The following TBCD variants were observed in gnomAD, a reference collection of about 807,000 sequenced individuals.
TBCD encodes the protein tubulin folding cofactor D, also known as tubulin-specific chaperone D.
Under a neutral mutation model 169.3 loss-of-function variants are expected in TBCD, and 105 were observed. The observed-to-expected ratio is 0.62, with a 90% CI of 0.53 to 0.73. The LOEUF is 0.73. Ranked by LOEUF, TBCD falls within the 30% of genes least tolerant of loss-of-function variation. The pLI is 0.00. For missense variants in TBCD, 1,444 were observed against 1,600.1 expected, an observed-to-expected ratio of 0.90 and a Z score of 1.66; for synonymous variants, 700 against 643.9, an observed-to-expected ratio of 1.09 and a Z score of -1.32.
At chr17:82,907,716 G>T in intron 20 of TBCD, 45 bp from the exon 21 acceptor site, 2 of 1,609,336 alleles carry the variant, frequency 1.2e-6, no homozygotes, top group Middle Eastern at 1.7e-4. Context: ...TCGGGGTTAG[G>T]GTCTTGGGGA....
intron 13 of TBCD, chr17:82,860,466 A>G (rs573681949): frequency 2.0e-6 from 2 of 984,118 alleles, no homozygotes; most frequent in Non-Finnish European, 2.4e-6. Flanking sequence ...TTCATTAACA[A>G]TGACAGTGGC....
At chr17:82,797,678 A>C in intron 7 of TBCD, 79 bp from the exon 8 acceptor site, 2 of 1,098,536 alleles carry the variant, frequency 1.8e-6, no homozygotes, top group Non-Finnish European at 2.6e-6. Context: ...GATGTGATGA[A>C]TTGTTTTCAC....
intron 28 of TBCD, among the ~76,000 whole-genome samples, 158 bp downstream of exon 28, chr17:82,926,649 C>T (rs2147253812): frequency 6.6e-6 from 1 of 152,360 alleles, no homozygotes; most frequent in East Asian, 1.9e-4. Flanking sequence ...GCTGGAGGCT[C>T]TTTCATTCTC....
At chr17:82,865,577 A>G (rs2057114475) in intron 13 of TBCD, 2 of 983,950 alleles carry the variant, frequency 2.0e-6, no homozygotes, top group Admixed American at 6.1e-5. Context: ...CTCACCGCCC[A>G]GTGCCGAAAT....
intron 13 of TBCD, among the ~76,000 whole-genome samples, chr17:82,866,408 T>C (rs1295547417): frequency 6.6e-6 from 1 of 152,376 alleles, no homozygotes; most frequent in African/African-American, 2.4e-5. Flanking sequence ...CAAGCTGTTT[T>C]ACTTTGTGCA....
chr17:82,845,657 G>T (rs1394442388), intron 13 of TBCD, among the ~76,000 whole-genome samples: 1 of 151,508 alleles, frequency 6.6e-6, no homozygotes, highest in South Asian at 2.1e-4. Context: ...GCCCACCCCG[G>T]TCCCTTCCGC....
intron 23 of TBCD, among the ~76,000 whole-genome samples, chr17:82,917,186 A>ATT (rs1209961680): frequency 6.6e-6 from 1 of 151,544 alleles, no homozygotes; most frequent in East Asian, 1.9e-4. Flanking sequence ...CACCCAGCTA[A>ATT]TTTTTGTATT....
At chr17:82,888,614 G>T (rs2058916992) in intron 15 of TBCD, among the ~76,000 whole-genome samples, 1 of 152,190 alleles carries the variant, frequency 6.6e-6, no homozygotes, top group African/African-American at 2.4e-5. Context: ...CCAGCCCAGG[G>T]GTCTGCCTTG....
rs528670805 is a variant in TBCD at position 82,832,502 on chromosome 17, T to C, written c.1318+17568T>C. Reference sequence around the variant, plus strand: ...CTGGCTGTCCAGGTGGCGTGATCACTGTCGACGCCGCGTGCACTTCGTGGT... The same window carrying C: ...CTGGCTGTCCAGGTGGCGTGATCACCGTCGACGCCGCGTGCACTTCGTGGT... On this transcript the variant is annotated intron_variant, in intron 13 of 38. Coordinates refer to ENST00000355528, the MANE Select transcript of TBCD (RefSeq NM_005993.5). This position sits in a 1 kb window ranked among gnomAD's most constrained non-coding sequence, Gnocchi z 4.9. 4.5e-6 allele frequency: 7 copies of C among 1,543,552 alleles called. No homozygotes were observed. Among genetic ancestry groups the C allele is most frequent in the Non-Finnish European group, 6.2e-6 (7 of 1,127,542 alleles).
chr17:82,883,114 G>A (rs1054483401), intron 14 of TBCD, among the ~76,000 whole-genome samples: 5 of 152,364 alleles, frequency 3.3e-5, no homozygotes, highest in African/African-American at 7.2e-5. Context: ...ATTGTCCCCC[G>A]TGCATGTCCC....
intron 7 of TBCD, among the ~76,000 whole-genome samples, chr17:82,790,008 T>C (rs2049589199): frequency 1.3e-5 from 2 of 148,440 alleles, no homozygotes; most frequent in Non-Finnish European, 2.9e-5. Context: ...GACGTGGCTC[T>C]GACATGTCTC....
rs1237516177 is a variant in TBCD at position 82,828,533 on chromosome 17, A to T, written c.1318+13599A>T. Among the ~76,000 whole-genome samples the T allele has an allele frequency of 1.5e-4, 11 of 75,564 alleles. No homozygotes were observed. In the Admixed American group the frequency reaches 1.7e-3, roughly 12 times the overall value. 49.6% of individuals were successfully genotyped at this position (75,564 alleles called of 152,430 possible). ...CCCCCGCAGATATGCACACGTGCACACCGGCACAATGGAATGTGCCCCCCC... is the reference window on the plus strand; with the variant it reads ...CCCCCGCAGATATGCACACGTGCACTCCGGCACAATGGAATGTGCCCCCCC... On this transcript the variant is annotated intron_variant, in intron 13 of 38. Coordinates refer to ENST00000355528, the MANE Select transcript of TBCD (RefSeq NM_005993.5).
intron 17 of TBCD, 44 bp from the exon 18 acceptor site, chr17:82,900,607 T>G: frequency 6.6e-7 from 1 of 1,519,254 alleles, no homozygotes. Context: ...CAGTGAGTTC[T>G]CGTTCTTCCG....
rs1308259099 is a variant in TBCD at position 82,930,545 on chromosome 17, C to T, written c.3015C>T (p.Leu1005=). Residue 1005 remains leucine (L), a synonymous_variant, in exon 33 of 39, where the codon CTC becomes CTT. Coordinates refer to ENST00000355528, the MANE Select transcript of TBCD (RefSeq NM_005993.5). This position sits in a 1 kb window ranked among gnomAD's most constrained non-coding sequence, Gnocchi z 5.2. ...ESTIRHSTQS[L]FEYMKGIQSD... ...AGATCCGGCACTCCACCCAGAGCCT[C>T]TTTGAGTACATGAAGGGCATTCAGA... 8.1e-6 allele frequency: 13 copies of T among 1,613,616 alleles called. No individual in the cohort carries two copies. The highest frequency in any genetic ancestry group is 1.1e-5 in the Non-Finnish European group (13 of 1,179,844).
intron 34 of TBCD, among the ~76,000 whole-genome samples, chr17:82,934,115 G>A (rs1339739095): frequency 6.6e-6 from 1 of 152,230 alleles, no homozygotes; most frequent in African/African-American, 2.4e-5. Flanking sequence ...CCCAGGCCCA[G>A]GTTAGTCCTC....
intron 7 of TBCD, among the ~76,000 whole-genome samples, chr17:82,793,627 G>T (rs2049899920): frequency 6.6e-6 from 1 of 152,208 alleles, no homozygotes; most frequent in Admixed American, 6.5e-5. Flanking sequence ...GAAAGGCCTG[G>T]CCCTGGTGGG....
At chr17:82,919,135 G>C (rs985929223) in intron 23 of TBCD, among the ~76,000 whole-genome samples, 1 of 152,116 alleles carries the variant, frequency 6.6e-6, no homozygotes, top group Non-Finnish European at 1.5e-5. Context: ...TTTACGGGGG[G>C]GGCCCAGAGT....
intron 11 of TBCD, 39 bp from the exon 12 acceptor site, chr17:82,809,669 T>TGG: frequency 1.2e-6 from 2 of 1,603,514 alleles, no homozygotes; most frequent in Non-Finnish European, 8.5e-7. Flanking sequence ...GGCGACAGGC[T>TGG]GGTGGTGCCC....
chr17:82,769,412 G>A (rs977633074), intron 5 of TBCD, among the ~76,000 whole-genome samples: 2 of 152,166 alleles, frequency 1.3e-5, no homozygotes, highest in Admixed American at 6.5e-5. Context: ...TCCAGCCTAC[G>A]CAAGCGAGCA....
Sources: gnomAD v4.1 joint callset for allele counts (sites outside exome capture counted in the v4.1 genomes callset) on GRCh38, gnomAD v4.1.1 for gene constraint, Gnocchi (gnomAD v3.1) non-coding constraint, MANE v1.5 for transcripts, NCBI Gene and HGNC (gene_info 2026-07-23, HGNC 2026-07-21) for gene names.